Variants in ZNF680 observed in about 807,000 individuals in gnomAD.
ZNF680 encodes the protein zinc finger protein 680.
In ZNF680, 6 loss-of-function variants were observed where a neutral mutation model predicts 12.1. The observed-to-expected ratio is 0.49, with a 90% confidence interval of 0.27 to 0.98. ZNF680 has a LOEUF of 0.98. ZNF680 is among the 50% of genes least tolerant of loss of function. The pLI is 0.12. For missense variants in ZNF680, 561 were observed against 616.3 expected, an observed-to-expected ratio of 0.91 and a Z score of 0.95; for synonymous variants, 170 against 199.3, an observed-to-expected ratio of 0.85 and a Z score of 1.24.
rs565355692 is a variant in ZNF680 at position 64,521,369 on chromosome 7, T to C, written c.1385A>G (p.Tyr462Cys). 5 of 1,613,644 alleles carry C rather than the reference T, an allele frequency of 3.1e-6. No individual in the cohort carries two copies. The highest frequency in any genetic ancestry group is 1.1e-5 in the South Asian group (1 of 91,054). Residue 462 changes from tyrosine to cysteine, a missense_variant, in exon 4 of 4, where the codon TAC becomes TGC. Tyr to Cys is a radical substitution (Grantham distance 194). Coordinates refer to ENST00000309683, the MANE Select transcript of ZNF680 (RefSeq NM_178558.5). ...HKVIHTGEKS[Y>C]KCDECGNVFN... Reference sequence around the variant, plus strand: ...AACATTGCCACATTCATCACATTTGTAGGATTTCTCTCCAGTATGAATTAC... The same window carrying C: ...AACATTGCCACATTCATCACATTTGCAGGATTTCTCTCCAGTATGAATTAC...
chr7:64,510,842 G>A, the ZNF680 span, among the ~76,000 whole-genome samples: 26 of 110,224 alleles, frequency 2.4e-4, 1 homozygote, highest in African/African-American at 3.2e-4. Flanking sequence ...CCCGGGAGGC[G>A]GAGCTTGCAG....
intron 3 of ZNF680, among the ~76,000 whole-genome samples, chr7:64,537,169 T>G (rs1424065677): frequency 6.6e-6 from 1 of 152,032 alleles, no homozygotes; most frequent in Non-Finnish European, 1.5e-5. Context: ...AACGTAAAAT[T>G]GGCAAATCCA....
the ZNF680 span, among the ~76,000 whole-genome samples, chr7:64,507,762 GAAAT>G: frequency 2.0e-5 from 3 of 151,054 alleles, no homozygotes; most frequent in East Asian, 5.9e-4. Flanking sequence ...AAAAAAGAGA[GAAAT>G]AAACTTTAAG....
chr7:64,553,839 G>A (rs987649159), intron 1 of ZNF680, among the ~76,000 whole-genome samples: 7 of 152,174 alleles, frequency 4.6e-5, no homozygotes, highest in South Asian at 4.1e-4. Flanking sequence ...TGCCCGCCAC[G>A]GCCTCCCGAG....
At chr7:64,534,732 T>C (rs1233901349) in intron 3 of ZNF680, among the ~76,000 whole-genome samples, 3 of 152,168 alleles carry the variant, frequency 2.0e-5, no homozygotes, top group African/African-American at 7.2e-5. Context: ...AGCAGCACAA[T>C]TTGCAATTGC....
the ZNF680 span, chr7:64,501,259 C>T: frequency 1.1e-6 from 1 of 918,054 alleles, no homozygotes. Flanking sequence ...TCCTCCTCCT[C>T]CTCCTATTGC....
At chr7:64,523,785 C>T (rs971586480) in intron 3 of ZNF680, among the ~76,000 whole-genome samples, 10 of 151,680 alleles carry the variant, frequency 6.6e-5, no homozygotes, top group Admixed American at 5.9e-4. Flanking sequence ...TGGTGGTGGG[C>T]GCCTGTAGTC....
chr7:64,562,979 T>G lies in ZNF680; in HGVS notation c.-25A>C. On this transcript the variant is annotated 5_prime_UTR_variant, in exon 1 of 4. Coordinates refer to ENST00000309683, the MANE Select transcript of ZNF680 (RefSeq NM_178558.5). The stretch of plus-strand genomic sequence containing the variant: ...TCTTAGCTGTGCATCTCCCAATACC[T>G]GCAGATAACGGAGTCACAGAGGCTG... 2.5e-6 allele frequency: 4 copies of G among 1,612,974 alleles called. No homozygotes were observed. Among genetic ancestry groups the G allele is most frequent in the Non-Finnish European group, 3.4e-6 (4 of 1,179,264 alleles).
chr7:64,561,869 A>G (rs1378352602), intron 1 of ZNF680, among the ~76,000 whole-genome samples: 2 of 147,734 alleles, frequency 1.4e-5, no homozygotes, highest in African/African-American at 5.0e-5. Flanking sequence ...CAGGAGGCGG[A>G]GCTTGCAGTG....
chr7:64,535,967 C>T (rs1350597051), intron 3 of ZNF680, among the ~76,000 whole-genome samples: 2 of 151,824 alleles, frequency 1.3e-5, no homozygotes, highest in Non-Finnish European at 2.9e-5. Context: ...CACAAACAAA[C>T]AAATAAGTCA....
chr7:64,554,387 C>T (rs1009147398), intron 1 of ZNF680, among the ~76,000 whole-genome samples: 4 of 151,620 alleles, frequency 2.6e-5, no homozygotes, highest in African/African-American at 9.7e-5. Flanking sequence ...AGCCCCAGCC[C>T]GGCCAGCTGC....
At chr7:64,541,450 T>C (rs895278220) in intron 3 of ZNF680, among the ~76,000 whole-genome samples, 23 of 152,166 alleles carry the variant, frequency 1.5e-4, no homozygotes, top group African/African-American at 5.1e-4. Flanking sequence ...ACACCTGTAA[T>C]GACAGCTACA....
At chr7:64,533,871 A>G (rs553649526) in intron 3 of ZNF680, among the ~76,000 whole-genome samples, 3 of 152,226 alleles carry the variant, frequency 2.0e-5, no homozygotes, top group Non-Finnish European at 4.4e-5. Context: ...AAATACTTAC[A>G]GCCAACTGAT....
chr7:64,541,322 AG>A (rs1786487907), intron 3 of ZNF680, among the ~76,000 whole-genome samples: 1 of 152,224 alleles, frequency 6.6e-6, no homozygotes, highest in Non-Finnish European at 1.5e-5. Context: ...AAAAATGTAT[AG>A]GGAGAGTGAC....
At chr7:64,546,516 T>A (rs1584391490) in intron 1 of ZNF680, among the ~76,000 whole-genome samples, 1 of 152,146 alleles carries the variant, frequency 6.6e-6, no homozygotes, top group Non-Finnish European at 1.5e-5. Flanking sequence ...CCGAGGCAGG[T>A]GGATTGCCCG....
intron 3 of ZNF680, among the ~76,000 whole-genome samples, chr7:64,542,025 C>T (rs1421937763): frequency 6.6e-6 from 1 of 152,172 alleles, no homozygotes; most frequent in African/African-American, 2.4e-5. Flanking sequence ...GACCCAATTA[C>T]AAAAACCTGC....
At chr7:64,529,003 C>T (rs772163639) in intron 3 of ZNF680, among the ~76,000 whole-genome samples, 5 of 152,154 alleles carry the variant, frequency 3.3e-5, no homozygotes, top group African/African-American at 1.2e-4. Context: ...CACAGAACTC[C>T]GGGCAGACAA....
intron 1 of ZNF680, among the ~76,000 whole-genome samples, chr7:64,554,916 C>T (rs931925487): frequency 1.3e-5 from 2 of 151,992 alleles, no homozygotes; most frequent in Non-Finnish European, 2.9e-5. Context: ...ATCTGCTGAC[C>T]TTCCCTCCAC....
chr7:64,539,350 T>G (rs1166648356), intron 3 of ZNF680, among the ~76,000 whole-genome samples: 1 of 17,842 alleles, frequency 5.6e-5, no homozygotes, highest in Non-Finnish European at 9.1e-5. Flanking sequence ...AAACTTCGTC[T>G]CAAAAAAAAA....
Sources: gnomAD v4.1 joint callset for allele counts (sites outside exome capture counted in the v4.1 genomes callset) on GRCh38, gnomAD v4.1.1 for gene constraint, MANE v1.5 for transcripts, NCBI Gene and HGNC (gene_info 2026-07-23, HGNC 2026-07-21) for gene names.